PCDHGB5: variants seen among roughly 807,000 people sequenced by gnomAD.
PCDHGB5 encodes protocadherin gamma subfamily B, 5.
PCDHGB5 carries 48 observed loss-of-function variants against 62.9 expected under a neutral mutation model. That is an observed-to-expected ratio of 0.76 (90% confidence interval 0.61 to 0.97). The LOEUF (loss-of-function observed/expected upper bound fraction) is 0.97, where lower values mean the gene tolerates loss of function less well. PCDHGB5 is among the 50% of genes least tolerant of loss of function. The pLI, the probability that PCDHGB5 is intolerant of heterozygous loss-of-function variation, is 0.00. For synonymous variants in PCDHGB5, 474 were observed against 511.2 expected, an observed-to-expected ratio of 0.93 and a Z score of 0.98; for missense variants, 1,118 against 1,198.6, an observed-to-expected ratio of 0.93 and a Z score of 0.99.
rs143317584 is a variant in PCDHGB5 at position 141,432,282 on chromosome 5, A to G, written c.2397+31758A>G. 5.0e-5 allele frequency: 81 copies of G among 1,613,850 alleles called. No homozygotes were observed. The African/African-American group carries it at 6.4e-4, about 13-fold the overall frequency. ...AGCCTATCGTCCTACGTGTCCATCAACTCCGACACTGGGGTACTGTATGCG... is the reference window on the plus strand; with the variant it reads ...AGCCTATCGTCCTACGTGTCCATCAGCTCCGACACTGGGGTACTGTATGCG... On this transcript the variant is annotated intron_variant, in intron 1 of 3. Transcript: ENST00000617380. This position sits in a 1 kb window ranked among gnomAD's most constrained non-coding sequence, Gnocchi z 6.0.
At chr5:141,427,707 T>C in intron 1 of PCDHGB5, 1 of 1,011,828 alleles carries the variant, frequency 9.9e-7, no homozygotes, top group Non-Finnish European at 1.5e-6. Context: ...AGTCAGCGCC[T>C]CTGACCTGGA....
intron 1 of PCDHGB5, among the ~76,000 whole-genome samples, chr5:141,462,550 A>G (rs1485478117): frequency 6.6e-6 from 1 of 151,942 alleles, no homozygotes; most frequent in East Asian, 1.9e-4. Flanking sequence ...TTTCTTCTTC[A>G]GTGTTTACTG....
intron 1 of PCDHGB5, among the ~76,000 whole-genome samples, chr5:141,449,131 G>A (rs530494400): frequency 7.9e-5 from 12 of 152,220 alleles, no homozygotes; most frequent in Non-Finnish European, 1.3e-4. Flanking sequence ...CCCAGAAATG[G>A]AATTGAAATT....
chr5:141,511,265 A>G lies in PCDHGB5; in HGVS notation c.*92A>G. On this transcript the variant is annotated 3_prime_UTR_variant, in exon 4 of 4. Coordinates refer to ENST00000617380, the MANE Select transcript of PCDHGB5 (RefSeq NM_018925.3). ...ACCCAGGCCTCAGAGTTTCAGGGCT[A>G]ACCCCCAGAATACTGGTAGGGGCCA... The G allele has an allele frequency of 6.4e-7, 1 of 1,551,730 alleles. No individual in the cohort carries two copies. Among genetic ancestry groups the G allele is most frequent in the South Asian group, 1.2e-5 (1 of 83,132 alleles).
rs1561852927 is a variant in PCDHGB5, at chr5:141,431,472, A to G, written c.2397+30948A>G. On this transcript the variant is annotated intron_variant, in intron 1 of 3. Coordinates refer to ENST00000617380, the MANE Select transcript of PCDHGB5 (RefSeq NM_018925.3). The surrounding 1 kb of genome is among the most constrained non-coding windows in gnomAD (Gnocchi z 4.8). The stretch of plus-strand genomic sequence containing the variant: ...GTGATGGTTCTGGATGCGAACGACA[A>G]CGCACCAGCGTTTGCTCAGCCCGAG... 6.2e-7 allele frequency: 1 copy of G among 1,613,784 alleles called. No individual in the cohort carries two copies. The highest frequency in any genetic ancestry group is 8.5e-7 in the Non-Finnish European group (1 of 1,179,948).
intron 1 of PCDHGB5, chr5:141,440,709 A>C (rs1351127132): frequency 1.3e-5 from 2 of 152,216 alleles, no homozygotes; most frequent in Non-Finnish European, 2.9e-5. Context: ...GTGGAAAGAC[A>C]TATGTTGATC....
In PCDHGB5 at chr5:141,476,218, C is replaced by G. The variant is rs1562052166; in HGVS notation, c.2398-18589C>G. On this transcript the variant is annotated intron_variant, in intron 1 of 3. Transcript: ENST00000617380. The surrounding 1 kb of genome is among the most constrained non-coding windows in gnomAD (Gnocchi z 7.6). ...TGAACAAGGCTTCCACGGTCATTCA[C>G]TATGAGATCCCGGAGGAAAGAGAGA... is the stretch of plus-strand genomic sequence containing the variant. 1 of 1,613,984 alleles carries G rather than the reference C, an allele frequency of 6.2e-7. No homozygotes were observed.
intron 1 of PCDHGB5, chr5:141,404,354 G>A (rs749866543): frequency 6.2e-7 from 1 of 1,613,916 alleles, no homozygotes; most frequent in Non-Finnish European, 8.5e-7. Flanking sequence ...CAACGCCAGA[G>A]GTACTTCCAT....
chr5:141,408,725 A>G, intron 1 of PCDHGB5: 1 of 1,610,988 alleles, frequency 6.2e-7, no homozygotes, highest in Non-Finnish European at 8.5e-7. Context: ...GATAAACTCT[A>G]ATCCTTATTT....
At chr5:141,422,997 C>T (rs114907564) in intron 1 of PCDHGB5, 28,679 of 1,614,218 alleles carry the variant, frequency 0.018, 311 homozygotes, top group Non-Finnish European at 0.021. Context: ...ACCTGGTGAC[C>T]AAGGTGGTTG....
intron 1 of PCDHGB5, among the ~76,000 whole-genome samples, chr5:141,430,347 A>C (rs2097274758): frequency 6.6e-6 from 1 of 151,944 alleles, no homozygotes; most frequent in Non-Finnish European, 1.5e-5. Flanking sequence ...CTTCCAATTC[A>C]TTTAAAAGCT....
intron 1 of PCDHGB5, chr5:141,413,467 G>T: frequency 6.2e-7 from 1 of 1,614,136 alleles, no homozygotes; most frequent in Non-Finnish European, 8.5e-7. Context: ...AGACCGGGAG[G>T]AGCTCTGCGC....
chr5:141,494,236 T>C (rs1384800217), intron 1 of PCDHGB5, among the ~76,000 whole-genome samples: 7 of 152,128 alleles, frequency 4.6e-5, no homozygotes, highest in Non-Finnish European at 1.0e-4. Flanking sequence ...AAATTAATAA[T>C]GTATTTAGCT....
At chr5:141,492,240 C>T (rs1031016944) in intron 1 of PCDHGB5, among the ~76,000 whole-genome samples, 1 of 152,242 alleles carries the variant, frequency 6.6e-6, no homozygotes, top group African/African-American at 2.4e-5. Flanking sequence ...CTGCTGGCCA[C>T]CCCCACGGCC....
At chr5:141,495,591 C>G (rs2099762279) in intron 2 of PCDHGB5, among the ~76,000 whole-genome samples, 3 of 152,222 alleles carry the variant, frequency 2.0e-5, no homozygotes, top group African/African-American at 7.2e-5. Context: ...CCATCTCTGT[C>G]TTAGCTTCCG....
At chr5:141,415,306 T>G (rs2095852502) in intron 1 of PCDHGB5, 2 of 1,614,222 alleles carry the variant, frequency 1.2e-6, no homozygotes, top group Non-Finnish European at 8.5e-7. Context: ...CTTCCTGGCC[T>G]TCGTCATCGT....
At chr5:141,419,259 C>T (rs765877993) in intron 1 of PCDHGB5, 2 of 1,613,900 alleles carry the variant, frequency 1.2e-6, no homozygotes, top group South Asian at 2.2e-5. Flanking sequence ...AACAACCAGC[C>T]GGGTGCCTCC....
At position 141,485,010 on chromosome 5, in the gene PCDHGB5, C is replaced by T; in HGVS notation, c.2398-9797C>T. 1 of 629,958 alleles carries T rather than the reference C, an allele frequency of 1.6e-6. No homozygotes were observed. The highest frequency in any genetic ancestry group is 2.9e-6 in the Non-Finnish European group (1 of 350,608). 39.0% of individuals were successfully genotyped at this position (629,958 alleles called of 1,614,324 possible). On this transcript the variant is annotated intron_variant, in intron 1 of 3. Coordinates refer to ENST00000617380, the MANE Select transcript of PCDHGB5 (RefSeq NM_018925.3). This position sits in a 1 kb window ranked among gnomAD's most constrained non-coding sequence, Gnocchi z 5.7. ...GTGGTGAAAGGCAGACAAATCTACC[C>T]CGCCACCAGCAAAAACGGCGCGTAA...
intron 1 of PCDHGB5, chr5:141,404,839 T>C: frequency 6.2e-7 from 1 of 1,613,458 alleles, no homozygotes; most frequent in Non-Finnish European, 8.5e-7. Context: ...TGCGCACAGC[T>C]CGGGCCCTGC....
Sources: gnomAD v4.1 joint callset for allele counts (sites outside exome capture counted in the v4.1 genomes callset) on GRCh38, gnomAD v4.1.1 for gene constraint, Gnocchi (gnomAD v3.1) non-coding constraint, MANE v1.5 for transcripts, NCBI Gene and HGNC (gene_info 2026-07-23, HGNC 2026-07-21) for gene names.